The following PBX1 variants were observed in gnomAD, a reference collection of about 807,000 sequenced individuals.
PBX1 encodes the protein PBX homeobox 1, also known as pre-B-cell leukemia transcription factor 1.
A neutral mutation model predicts 53.4 loss-of-function variants in PBX1; 6 were observed. That is an observed-to-expected ratio of 0.11 (90% CI 0.06 to 0.22). The LOEUF (loss-of-function observed/expected upper bound fraction) is 0.22, where lower values mean the gene tolerates loss of function less well. Among genes scored for constraint, PBX1 ranks in the 10% least tolerant of loss-of-function variants. PBX1 has a pLI of 1.00. For missense variants in PBX1, 251 were observed against 551.4 expected (o/e 0.46, Z 5.46); for synonymous variants, 204 against 212.3 (o/e 0.96, Z 0.34).
At chr1:164,618,309 G>A (rs913834589) in intron 2 of PBX1, among the ~76,000 whole-genome samples, 1 of 143,964 alleles carries the variant, frequency 6.9e-6, no homozygotes, top group Non-Finnish European at 1.5e-5. Context: ...GGGGGGGGGG[G>A]GCACTCAAGA....
At position 164,846,731 on chromosome 1, in the gene PBX1, G is replaced by A; in HGVS notation, c.*55G>A. 1 of 1,613,458 alleles carries A rather than the reference G, an allele frequency of 6.2e-7. No individual in the cohort carries two copies. The highest frequency in any genetic ancestry group is 8.5e-7 in the Non-Finnish European group (1 of 1,179,794). On this transcript the variant is annotated 3_prime_UTR_variant, in exon 9 of 9. Coordinates refer to ENST00000420696, the MANE Select transcript of PBX1 (RefSeq NM_002585.4). ...TGTGCCCCAGTTGGGGCAGGGGCAG[G>A]AGGGAGGGTTTCTCTCCCAACGCTG...
At chr1:164,718,014 T>A (rs1370591431) in intron 2 of PBX1, among the ~76,000 whole-genome samples, 1 of 152,222 alleles carries the variant, frequency 6.6e-6, no homozygotes, top group Non-Finnish European at 1.5e-5. Flanking sequence ...AATGACATTA[T>A]CCCCATTTGC....
intron 8 of PBX1, among the ~76,000 whole-genome samples, chr1:164,834,641 G>T (rs570994438): frequency 3.3e-5 from 5 of 152,030 alleles, no homozygotes; most frequent in African/African-American, 9.7e-5. Flanking sequence ...CACTATACCC[G>T]GCCAGCCCTA....
intron 2 of PBX1, among the ~76,000 whole-genome samples, chr1:164,569,512 G>T (rs1653677683): frequency 6.8e-6 from 1 of 147,952 alleles, no homozygotes; most frequent in South Asian, 2.1e-4. Context: ...ATTTTATGCT[G>T]AAAAGAGACA....
chr1:164,581,622 C>T (rs1349844439), intron 2 of PBX1, among the ~76,000 whole-genome samples: 2 of 152,080 alleles, frequency 1.3e-5, no homozygotes, highest in African/African-American at 2.4e-5. Context: ...TATGCAGGAC[C>T]AGGGTGAAGG....
chr1:164,884,403 A>G, intron 2 of PBX1: 1 of 257,312 alleles, frequency 3.9e-6, no homozygotes, highest in South Asian at 4.7e-5. Flanking sequence ...CTGCTCATTG[A>G]GATCTTGCCA....
At chr1:164,574,938 C>T (rs544902374) in intron 2 of PBX1, among the ~76,000 whole-genome samples, 10 of 151,898 alleles carry the variant, frequency 6.6e-5, no homozygotes, top group Admixed American at 5.2e-4. Context: ...GCCGAGATTG[C>T]GCCTTTACAC....
chr1:164,711,550 A>G (rs148251440), intron 2 of PBX1, among the ~76,000 whole-genome samples: 1,801 of 152,370 alleles, frequency 0.012, 22 homozygotes, highest in Non-Finnish European at 0.02. Flanking sequence ...GGCGTGAGCC[A>G]CTGCGCCCGG....
intron 2 of PBX1, among the ~76,000 whole-genome samples, chr1:164,566,010 A>G (rs942199536): frequency 6.6e-6 from 1 of 152,184 alleles, no homozygotes; most frequent in African/African-American, 2.4e-5. Context: ...TCACCTAGGC[A>G]GAACTCTTGA....
intron 2 of PBX1, among the ~76,000 whole-genome samples, chr1:164,672,818 T>C (rs1429624896): frequency 6.6e-6 from 1 of 152,234 alleles, no homozygotes; most frequent in African/African-American, 2.4e-5. Flanking sequence ...TTCCTCACAT[T>C]GCCTTTGGCT....
chr1:164,800,109 A>C (rs945574148), intron 4 of PBX1, among the ~76,000 whole-genome samples: 1 of 152,038 alleles, frequency 6.6e-6, no homozygotes. Flanking sequence ...ACTGTTATGC[A>C]CTCTGGGTAG....
At chr1:164,653,522 TA>T (rs1659964922) in intron 2 of PBX1, among the ~76,000 whole-genome samples, 3 of 152,230 alleles carry the variant, frequency 2.0e-5, no homozygotes, top group Non-Finnish European at 4.4e-5. Context: ...CATGTAATAC[TA>T]GCACTTTTGG....
intron 2 of PBX1, among the ~76,000 whole-genome samples, chr1:164,617,994 T>C (rs965469311): frequency 6.6e-6 from 1 of 152,164 alleles, no homozygotes; most frequent in Non-Finnish European, 1.5e-5. Context: ...AACCCAGATC[T>C]CTGGCCCATT....
chr1:164,707,355 T>A (rs1270411878), intron 2 of PBX1, among the ~76,000 whole-genome samples: 1 of 149,054 alleles, frequency 6.7e-6, no homozygotes, highest in Non-Finnish European at 1.5e-5. Flanking sequence ...ATGGGAGAGA[T>A]TAGAACAGTA....
intron 2 of PBX1, among the ~76,000 whole-genome samples, chr1:164,609,971 T>A (rs1656799265): frequency 6.6e-6 from 1 of 152,128 alleles, no homozygotes; most frequent in Non-Finnish European, 1.5e-5. Context: ...CCTGGCGTCA[T>A]AACAGAAGTA....
intron 2 of PBX1, among the ~76,000 whole-genome samples, chr1:164,651,231 TGGGGAGGGGGTGGTGGAGGCTGTGCA>T (rs544430210): frequency 0.014 from 2,128 of 152,026 alleles, 54 homozygotes; most frequent in African/African-American, 0.049. Context: ...CCTTCAGCTT[TGGGGAGGGGGTGGTGGAGGCTGTGCA>T]GGGGAGGGGG....
intron 2 of PBX1, among the ~76,000 whole-genome samples, chr1:164,566,324 C>T (rs1036126243): frequency 6.6e-6 from 1 of 152,086 alleles, no homozygotes; most frequent in Non-Finnish European, 1.5e-5. Flanking sequence ...TATTCTGATA[C>T]ATTTTCGCTT....
At chr1:164,683,852 C>G (rs944049821) in intron 2 of PBX1, 5 of 150,412 alleles carry the variant, frequency 3.3e-5, no homozygotes, top group African/African-American at 1.2e-4. Context: ...GGATTTCACT[C>G]TTATCACCCA....
At chr1:164,780,360 A>T (rs564858244) in intron 2 of PBX1, among the ~76,000 whole-genome samples, 1 of 152,192 alleles carries the variant, frequency 6.6e-6, no homozygotes, top group South Asian at 2.1e-4. Flanking sequence ...GATAAGTTGC[A>T]ATCATTTACT....
Sources: gnomAD v4.1 joint callset for allele counts (sites outside exome capture counted in the v4.1 genomes callset) on GRCh38, gnomAD v4.1.1 for gene constraint, MANE v1.5 for transcripts, NCBI Gene and HGNC (gene_info 2026-07-23, HGNC 2026-07-21) for gene names.